The following ZNF644 variants were observed in gnomAD, a reference collection of about 807,000 sequenced individuals.
ZNF644 encodes the protein zinc finger motif enhancer binding protein 2.
ZNF644 carries 20 observed loss-of-function variants against 108.0 expected under a neutral mutation model. That is an observed-to-expected ratio of 0.19 (90% confidence interval 0.13 to 0.27). The LOEUF is 0.27. Among genes scored for constraint, ZNF644 ranks in the 10% least tolerant of loss-of-function variants. The pLI, the probability that ZNF644 is intolerant of heterozygous loss-of-function variation, is 1.00. For synonymous variants in ZNF644, 542 were observed against 539.1 expected (o/e 1.01, Z -0.08); for missense variants, 1,338 against 1,548.9 (o/e 0.86, Z 2.29).
chr1:90,974,329 C>CAA (rs879345498), intron 2 of ZNF644, among the ~76,000 whole-genome samples: 5 of 145,732 alleles, frequency 3.4e-5, no homozygotes, highest in Non-Finnish European at 7.6e-5. Context: ...ACTCTTGTCT[C>CAA]AAAAAAAAAA....
chr1:90,948,830 A>T (rs1295073848), intron 2 of ZNF644, among the ~76,000 whole-genome samples: 1 of 152,196 alleles, frequency 6.6e-6, no homozygotes, highest in East Asian at 1.9e-4. Context: ...ACGAATGTAT[A>T]CTAGTTTCCT....
intron 4 of ZNF644, among the ~76,000 whole-genome samples, chr1:90,928,076 C>T (rs1407251826): frequency 6.6e-6 from 1 of 151,736 alleles, no homozygotes; most frequent in African/African-American, 2.4e-5. Flanking sequence ...AAACTCCTGA[C>T]CTCAGGTGAT....
intron 1 of ZNF644, among the ~76,000 whole-genome samples, chr1:90,986,255 T>C (rs1181605887): frequency 1.3e-5 from 2 of 151,202 alleles, no homozygotes; most frequent in Admixed American, 1.3e-4. Flanking sequence ...TCAGACAAAT[T>C]CCAATAGAAG....
chr1:90,945,072 A>G (rs1180548392), intron 2 of ZNF644, among the ~76,000 whole-genome samples: 4 of 152,174 alleles, frequency 2.6e-5, no homozygotes, highest in African/African-American at 9.6e-5. Context: ...AAATGTATAT[A>G]TAACAGAGAC....
chr1:90,930,298 C>T (rs997986825), intron 4 of ZNF644, among the ~76,000 whole-genome samples: 1 of 152,128 alleles, frequency 6.6e-6, no homozygotes, highest in Non-Finnish European at 1.5e-5. Flanking sequence ...CACACACACA[C>T]ACAAAATTGT....
chr1:90,976,628 G>A (rs1245899270), intron 2 of ZNF644, among the ~76,000 whole-genome samples: 1 of 152,100 alleles, frequency 6.6e-6, no homozygotes, highest in Non-Finnish European at 1.5e-5. Context: ...AGACAAGCAT[G>A]GCTGAAACTT....
At chr1:90,969,271 G>GAAGAC (rs1570461418) in intron 2 of ZNF644, among the ~76,000 whole-genome samples, 1 of 152,246 alleles carries the variant, frequency 6.6e-6, no homozygotes, top group East Asian at 1.9e-4. Context: ...GACACACGGA[G>GAAGAC]AAGACAGCCA....
At chr1:90,999,625 T>C (rs1428286254) in intron 1 of ZNF644, among the ~76,000 whole-genome samples, 4 of 152,056 alleles carry the variant, frequency 2.6e-5, no homozygotes, top group African/African-American at 7.2e-5. Flanking sequence ...AGAAACTGCA[T>C]CAACTAATGA....
intron 1 of ZNF644, among the ~76,000 whole-genome samples, chr1:90,997,928 C>T (rs1658321372): frequency 6.6e-6 from 1 of 152,234 alleles, no homozygotes; most frequent in Admixed American, 6.5e-5. Flanking sequence ...GGGTCCCACG[C>T]CCATGGAGCC....
rs1654843388 is a variant in ZNF644, at chr1:90,966,087, C to A, written c.44+16223G>T. Among the ~76,000 whole-genome samples, 5 of 152,196 alleles carry A rather than the reference C, an allele frequency of 3.3e-5. No individual in the cohort carries two copies. In the South Asian group the frequency reaches 1.0e-3, roughly 32 times the overall value. ...TCTCAATGTACTCATATTGGCCTTA[C>A]TATTTCTCGACTATGCTCTGGTTAT... On this transcript the variant is annotated intron_variant, in intron 2 of 5. Transcript: ENST00000337393.
At chr1:90,965,783 CTT>C (rs1654804597) in intron 2 of ZNF644, among the ~76,000 whole-genome samples, 1 of 152,050 alleles carries the variant, frequency 6.6e-6, no homozygotes, top group Non-Finnish European at 1.5e-5. Context: ...GAGTTTCGCT[CTT>C]GTTGCCCAGG....
At chr1:90,931,234 GAAGT>G (rs1341490146) in intron 4 of ZNF644, among the ~76,000 whole-genome samples, 4 of 151,582 alleles carry the variant, frequency 2.6e-5, no homozygotes, top group Non-Finnish European at 5.9e-5. Flanking sequence ...AAAAAGTCCA[GAAGT>G]AATTAATATA....
rs1321083392 is a variant in ZNF644 at position 90,939,349 on chromosome 1, A to C, written c.2005T>G (p.Ser669Ala). ...ATTTTTGAAAAACTACTTGATTGTG[A>C]GGTTGATCCAAATGTTCGCTTCACA... ...QDVKRTFGSTSQSSSFSKIHK... is the reference protein window; with the variant it reads ...QDVKRTFGSTAQSSSFSKIHK... The change falls in exon 3 of 6, where the codon TCA becomes GCA. Residue 669 changes from serine (S) to alanine (A), a missense_variant. Physicochemically the swap from Ser to Ala is moderately conservative, Grantham distance 99 (BLOSUM62 1). Transcript: ENST00000337393. The C allele has an allele frequency of 4.3e-6, 7 of 1,613,972 alleles. No homozygotes were observed. The highest frequency in any genetic ancestry group is 5.9e-6 in the Non-Finnish European group (7 of 1,179,932).
At chr1:90,961,688 C>T (rs1654360116) in intron 2 of ZNF644, among the ~76,000 whole-genome samples, 1 of 152,006 alleles carries the variant, frequency 6.6e-6, no homozygotes, top group Non-Finnish European at 1.5e-5. Flanking sequence ...TCTCAAAATG[C>T]TGTTATTTAT....
At chr1:91,008,689 T>C (rs1311627559) in intron 1 of ZNF644, among the ~76,000 whole-genome samples, 1 of 152,194 alleles carries the variant, frequency 6.6e-6, no homozygotes, top group Non-Finnish European at 1.5e-5. Context: ...CCCACTGTAT[T>C]TTGCTTTAGC....
intron 4 of ZNF644, among the ~76,000 whole-genome samples, chr1:90,929,817 T>C (rs1274676076): frequency 2.6e-5 from 4 of 152,208 alleles, no homozygotes; most frequent in Non-Finnish European, 5.9e-5. Context: ...AGAAACCTAC[T>C]ACGATTACAC....
chr1:91,021,333 A>T (rs1289527584), intron 1 of ZNF644: 2 of 152,144 alleles, frequency 1.3e-5, no homozygotes, highest in African/African-American at 4.8e-5. Context: ...GGGGGAGGGG[A>T]GGGCTATGCG....
Position 91,018,654 on chromosome 1 carries a change from C to T in ZNF644, c.-18+3336G>A, listed in dbSNP as rs539079743. On this transcript the variant is annotated intron_variant, in intron 1 of 5. Coordinates refer to ENST00000337393, the MANE Select transcript of ZNF644 (RefSeq NM_201269.3). ...TTAAGACCTGACTGAAAAGCCTTCCCAAGAATAAGATTCACTTTTCCTTCC... is the reference window on the plus strand; with the variant it reads ...TTAAGACCTGACTGAAAAGCCTTCCTAAGAATAAGATTCACTTTTCCTTCC... 4.3e-3 allele frequency among the ~76,000 whole-genome samples: 662 copies of T among 152,216 alleles called. 2 individuals are homozygous for T. Among genetic ancestry groups the T allele is most frequent in the Non-Finnish European group, 6.8e-3 (461 of 67,994 alleles).
At chr1:90,986,482 G>A (rs1657110257) in intron 1 of ZNF644, among the ~76,000 whole-genome samples, 1 of 151,972 alleles carries the variant, frequency 6.6e-6, no homozygotes, top group Non-Finnish European at 1.5e-5. Context: ...TAATAATAAT[G>A]TGTCAATATT....
Sources: gnomAD v4.1 joint callset for allele counts (sites outside exome capture counted in the v4.1 genomes callset) on GRCh38, gnomAD v4.1.1 for gene constraint, MANE v1.5 for transcripts, NCBI Gene and HGNC (gene_info 2026-07-23, HGNC 2026-07-21) for gene names.